KIF5C: variants seen among roughly 807,000 people sequenced by gnomAD.
KIF5C encodes kinesin family member 5C.
A neutral mutation model predicts 125.2 loss-of-function variants in KIF5C; 18 were observed. That is an observed-to-expected ratio of 0.14 (90% CI 0.10 to 0.21). KIF5C has a LOEUF of 0.21. KIF5C is among the 10% of genes least tolerant of loss of function. KIF5C has a pLI of 1.00. For missense variants in KIF5C, 780 were observed against 1,183.8 expected, an observed-to-expected ratio of 0.66 and a Z score of 5.01; for synonymous variants, 405 against 434.0, an observed-to-expected ratio of 0.93 and a Z score of 0.83.
At chr2:149,001,643 G>T (rs1223003554) in intron 21 of KIF5C, among the ~76,000 whole-genome samples, 1 of 152,156 alleles carries the variant, frequency 6.6e-6, no homozygotes, top group Non-Finnish European at 1.5e-5. Flanking sequence ...CCTCTGGTCG[G>T]CTTCCATTTC....
chr2:149,022,112 G>A (rs1201656014), intron 25 of KIF5C, among the ~76,000 whole-genome samples: 2 of 152,154 alleles, frequency 1.3e-5, no homozygotes, highest in African/African-American at 2.4e-5. Flanking sequence ...CGATGGAGAC[G>A]AAGCATACCT....
intron 1 of KIF5C, among the ~76,000 whole-genome samples, chr2:148,896,125 G>C (rs147385751): frequency 6.6e-6 from 1 of 152,304 alleles, no homozygotes; most frequent in South Asian, 2.1e-4. Flanking sequence ...CTGCAAGGGG[G>C]TTGAGAGATG....
At chr2:148,934,356 G>A (rs553444716) in intron 3 of KIF5C, among the ~76,000 whole-genome samples, 32 of 147,604 alleles carry the variant, frequency 2.2e-4, no homozygotes, top group South Asian at 1.1e-3. Context: ...ATATAGACAC[G>A]CATACCACAC....
chr2:148,895,224 G>C lies in KIF5C; in HGVS notation c.126+19481G>C, dbSNP rs367932316. On this transcript the variant is annotated intron_variant, in intron 1 of 25. Transcript: ENST00000435030. ...TAATCTCAGCTCACTTGCAACCTCC[G>C]CCTCCCGGGTTCAAGCGATTCTCAT... 9.2e-5 allele frequency among the ~76,000 whole-genome samples: 14 copies of C among 152,098 alleles called. No individual in the cohort carries two copies. The East Asian group carries it at 2.5e-3, about 27-fold the overall frequency.
chr2:148,990,705 G>A (rs1681502277), intron 15 of KIF5C, among the ~76,000 whole-genome samples: 1 of 152,156 alleles, frequency 6.6e-6, no homozygotes, highest in Non-Finnish European at 1.5e-5. Context: ...CCTTTTTGAA[G>A]TTATCTCCTT....
In KIF5C at chr2:148,941,610, G is replaced by T; in HGVS notation, c.397G>T (p.Val133Phe). ...MDENLEFHIK[V>F]SYFEIYLDKI... ...CCAAGCTCAATTTGTTTTTAACTAG[G>T]TTTCCTATTTTGAGATCTACTTGGA... The change falls in exon 5 of 26, where the codon GTT becomes TTT. Residue 133 changes from valine to phenylalanine, a missense_variant and splice_region_variant. By Grantham distance (50) the Val-to-Phe change is conservative. Coordinates refer to ENST00000435030, the MANE Select transcript of KIF5C (RefSeq NM_004522.3). The T allele has an allele frequency of 6.4e-7, 1 of 1,557,760 alleles. No homozygotes were observed. Among genetic ancestry groups the T allele is most frequent in the East Asian group, 2.4e-5 (1 of 42,260 alleles).
chr2:149,009,810 G>T (rs1156765170), intron 23 of KIF5C, among the ~76,000 whole-genome samples: 1 of 152,058 alleles, frequency 6.6e-6, no homozygotes, highest in African/African-American at 2.4e-5. Context: ...ATATGTGGTC[G>T]ATTTTCTCAC....
chr2:148,997,703 A>G (rs376120567), intron 18 of KIF5C: 6 of 230,664 alleles, frequency 2.6e-5, no homozygotes, highest in Non-Finnish European at 5.0e-5. Flanking sequence ...TTGAGTTTCT[A>G]TCTCAAACAT....
chr2:148,947,326 A>C, intron 8 of KIF5C: 1 of 316,146 alleles, frequency 3.2e-6, no homozygotes, highest in East Asian at 6.7e-5. Context: ...GCAGCTGCAC[A>C]CATGTGGGAG....
intron 9 of KIF5C, 101 bp from the exon 10 acceptor site, chr2:148,950,213 A>C: frequency 1.3e-6 from 2 of 1,504,570 alleles, no homozygotes; most frequent in South Asian, 1.4e-5. Context: ...TTCTTGTTTT[A>C]CTCGGTTTCT....
chr2:148,929,160 T>C lies in KIF5C; in HGVS notation c.218-121T>C. 4.8e-6 allele frequency: 3 copies of C among 618,794 alleles called. No individual in the cohort carries two copies. The Admixed American group carries it at 8.8e-5, about 18-fold the overall frequency. The allele number at this position is 618,794 out of a possible 1,614,324, so 38.3% of individuals were successfully genotyped here. A position where few individuals can be genotyped will look rare whatever the true frequency, so the allele number is the denominator to read the frequency against. ...ACTTAAAATTCACATGGAGTTGAAATATATCATTTGTATGAAAAATGAGAT... is the reference window on the plus strand; with the variant it reads ...ACTTAAAATTCACATGGAGTTGAAACATATCATTTGTATGAAAAATGAGAT... On this transcript the variant is annotated intron_variant, in intron 2 of 25. Coordinates refer to ENST00000435030, the MANE Select transcript of KIF5C (RefSeq NM_004522.3).
rs565871783 is a variant in KIF5C at position 149,000,852 on chromosome 2, T to G, written c.2373+70T>G. On this transcript the variant is annotated intron_variant, in intron 21 of 25. Transcript: ENST00000435030. ...ATTCATTTGTGATTTGTCGGATTAT[T>G]TCAAAATTTTATCCATGCACACCTT... The G allele has an allele frequency of 1.3e-5, 21 of 1,598,084 alleles. No homozygotes were observed. In the African/African-American group the frequency reaches 2.4e-4, roughly 18 times the overall value.
intron 10 of KIF5C, among the ~76,000 whole-genome samples, chr2:148,952,428 A>T (rs1682686930): frequency 6.6e-6 from 1 of 152,198 alleles, no homozygotes; most frequent in Admixed American, 6.5e-5. Context: ...AATATCAGTT[A>T]GTGTCTAATA....
chr2:148,930,670 T>A (rs986711291), intron 3 of KIF5C, among the ~76,000 whole-genome samples: 10 of 152,192 alleles, frequency 6.6e-5, no homozygotes, highest in Admixed American at 2.6e-4. Context: ...ATTTCAAGTG[T>A]GGGGTACAGT....
intron 4 of KIF5C, among the ~76,000 whole-genome samples, chr2:148,939,956 A>G (rs1233536501): frequency 6.6e-6 from 1 of 152,226 alleles, no homozygotes. Context: ...AATTAATGAA[A>G]TCAGAATCCT....
intron 10 of KIF5C, among the ~76,000 whole-genome samples, chr2:148,952,123 C>G (rs1395550110): frequency 6.6e-6 from 1 of 152,150 alleles, no homozygotes; most frequent in Non-Finnish European, 1.5e-5. Context: ...CCTCAAGGGT[C>G]TCAGAAACCC....
chr2:148,912,378 T>C (rs1448953752), intron 1 of KIF5C, among the ~76,000 whole-genome samples: 1 of 152,252 alleles, frequency 6.6e-6, no homozygotes, highest in Non-Finnish European at 1.5e-5. Flanking sequence ...AATCACTTTT[T>C]AAAGATTTTT....
intron 1 of KIF5C, among the ~76,000 whole-genome samples, chr2:148,906,032 G>A (rs553056349): frequency 6.6e-5 from 10 of 152,146 alleles, no homozygotes; most frequent in South Asian, 4.2e-4. Context: ...GGGAATTATC[G>A]GAGCTACAAT....
chr2:148,980,729 G>A (rs1574809866), intron 13 of KIF5C, among the ~76,000 whole-genome samples: 2 of 148,452 alleles, frequency 1.3e-5, no homozygotes, highest in Admixed American at 6.7e-5. Context: ...TTATTTAGAC[G>A]AAGTCTTGCT....
Sources: allele counts gnomAD v4.1 joint callset (sites outside exome capture counted in the v4.1 genomes callset), GRCh38; gene constraint gnomAD v4.1.1; transcripts MANE v1.5; gene names NCBI Gene and HGNC (gene_info 2026-07-23, HGNC 2026-07-21).